ACER1: variants seen among roughly 807,000 people sequenced by gnomAD.
ACER1 encodes CTB-180A7.3.
In ACER1, 28 loss-of-function variants were observed where a neutral mutation model predicts 24.9. The ratio of observed to expected loss-of-function variants is 1.13; its 90% CI spans 0.83 to 1.54. The LOEUF (loss-of-function observed/expected upper bound fraction) is 1.54. Ranked by LOEUF, ACER1 falls within the 40% of genes most tolerant of loss-of-function variation. The probability of loss-of-function intolerance (pLI) is 0.00; values close to 1 mark genes in which losing one functional copy is unlikely to be tolerated. For missense variants in ACER1, 352 were observed against 349.3 expected, an observed-to-expected ratio of 1.01 and a Z score of -0.06; for synonymous variants, 132 against 131.4, an observed-to-expected ratio of 1.00 and a Z score of -0.03.
chr19:6,352,392 G>A, the ACER1 span, among the ~76,000 whole-genome samples: 2 of 152,190 alleles, frequency 1.3e-5, no homozygotes, highest in East Asian at 1.9e-4. Flanking sequence ...CATACCATGA[G>A]GGAGCCCAAA....
chr19:6,343,519 C>T, the ACER1 span, among the ~76,000 whole-genome samples: 1 of 152,094 alleles, frequency 6.6e-6, no homozygotes, highest in Non-Finnish European at 1.5e-5. Context: ...AAAATGTGGG[C>T]TTCCTCCCAA....
At chr19:6,316,886 T>G (rs1176018904) in intron 1 of ACER1, among the ~76,000 whole-genome samples, 1 of 151,246 alleles carries the variant, frequency 6.6e-6, no homozygotes, top group Non-Finnish European at 1.5e-5. Context: ...AAACTGCACT[T>G]GTACTTCTTC....
At chr19:6,344,868 ATT>A in the ACER1 span, among the ~76,000 whole-genome samples, 3 of 138,482 alleles carry the variant, frequency 2.2e-5, no homozygotes, top group Non-Finnish European at 4.7e-5. Flanking sequence ...TTATTTATTT[ATT>A]TGTTTATTTT....
At chr19:6,312,058 G>A in intron 3 of ACER1, 91 bp downstream of exon 3, 1 of 1,484,724 alleles carries the variant, frequency 6.7e-7, no homozygotes, top group Non-Finnish European at 9.0e-7. Context: ...AGAGGGTCAA[G>A]GGTGGGGACC....
At chr19:6,355,922 T>G in the ACER1 span, among the ~76,000 whole-genome samples, 6 of 151,464 alleles carry the variant, frequency 4.0e-5, no homozygotes, top group African/African-American at 1.5e-4. Flanking sequence ...CCACCCCTAC[T>G]GGGAAGTGAG....
At chr19:6,341,803 T>C in the ACER1 span, among the ~76,000 whole-genome samples, 1 of 152,100 alleles carries the variant, frequency 6.6e-6, no homozygotes, top group Non-Finnish European at 1.5e-5. Context: ...TAATTTTTTT[T>C]ATTTTTAGTA....
At chr19:6,347,366 C>T in the ACER1 span, among the ~76,000 whole-genome samples, 1 of 146,628 alleles carries the variant, frequency 6.8e-6, no homozygotes, top group Non-Finnish European at 1.5e-5. Context: ...GACAGGTGTG[C>T]ACCACCACAC....
upstream of ACER1, among the ~76,000 whole-genome samples, chr19:6,335,094 T>C (rs879668224): frequency 1.4e-5 from 2 of 146,406 alleles, no homozygotes; most frequent in Admixed American, 6.9e-5. Context: ...TATTGTTATA[T>C]AATATTTTAA....
chr19:6,308,160 C>T (rs973540287), intron 4 of ACER1, among the ~76,000 whole-genome samples: 5 of 152,094 alleles, frequency 3.3e-5, no homozygotes, highest in South Asian at 2.1e-4. Context: ...GTCAGCTGGG[C>T]GCGGCGGCTC....
chr19:6,323,348 G>GGA (rs2091641819), intron 1 of ACER1, among the ~76,000 whole-genome samples: 1 of 150,648 alleles, frequency 6.6e-6, no homozygotes, highest in African/African-American at 2.4e-5. Context: ...TGAACCCTAG[G>GGA]GGGCAGAGCC....
the ACER1 span, among the ~76,000 whole-genome samples, chr19:6,344,283 A>T: frequency 3.3e-5 from 5 of 150,774 alleles, no homozygotes; most frequent in African/African-American, 1.2e-4. Flanking sequence ...TATATATATA[A>T]ATATATATAT....
At chr19:6,355,013 C>T in the ACER1 span, among the ~76,000 whole-genome samples, 38 of 152,088 alleles carry the variant, frequency 2.5e-4, no homozygotes, top group African/African-American at 5.1e-4. Flanking sequence ...TTGGTGGAGA[C>T]GGGGTTTCGC....
the ACER1 span, among the ~76,000 whole-genome samples, chr19:6,349,868 C>T: frequency 2.6e-5 from 4 of 152,044 alleles, no homozygotes; most frequent in South Asian, 4.2e-4. Context: ...TGGTGGTTGG[C>T]GCCTGTAATC....
intron 1 of ACER1, among the ~76,000 whole-genome samples, chr19:6,329,292 C>G (rs1209311323): frequency 6.6e-6 from 1 of 151,696 alleles, no homozygotes; most frequent in Admixed American, 6.6e-5. Flanking sequence ...TTGGGGAAGC[C>G]CTTTCTCACA....
At chr19:6,337,049 G>A (rs1228798781), upstream of ACER1, among the ~76,000 whole-genome samples, 1 of 151,630 alleles carries the variant, frequency 6.6e-6, no homozygotes, top group Non-Finnish European at 1.5e-5. Context: ...GGTGGCACGC[G>A]CCTGTAATCT....
chr19:6,309,028 G>T (rs1253813787), intron 4 of ACER1, among the ~76,000 whole-genome samples: 2 of 151,772 alleles, frequency 1.3e-5, no homozygotes, highest in East Asian at 1.9e-4. Flanking sequence ...ACGAAACTCC[G>T]TCTCTACTAA....
At chr19:6,355,521 G>C in the ACER1 span, among the ~76,000 whole-genome samples, 1 of 151,060 alleles carries the variant, frequency 6.6e-6, no homozygotes, top group South Asian at 2.1e-4. Flanking sequence ...CAGCCACCCC[G>C]TCTGGGAAAT....
chr19:6,323,471 CTT>C (rs1254829961), intron 1 of ACER1, among the ~76,000 whole-genome samples: 2 of 152,024 alleles, frequency 1.3e-5, no homozygotes, highest in Non-Finnish European at 2.9e-5. Context: ...TGCACAAGCT[CTT>C]TCTCTTTGCC....
At chr19:6,360,065 C>T in the ACER1 span, 7 of 152,216 alleles carry the variant, frequency 4.6e-5, no homozygotes, top group Non-Finnish European at 7.3e-5. Context: ...CAGCAATCTT[C>T]CTACTTCCAC....
Sources: allele counts gnomAD v4.1 joint callset (sites outside exome capture counted in the v4.1 genomes callset), GRCh38; gene constraint gnomAD v4.1.1; transcripts MANE v1.5; gene names NCBI Gene and HGNC (gene_info 2026-07-23, HGNC 2026-07-21).